RBFOX1: variants seen among roughly 807,000 people sequenced by gnomAD.
The protein encoded by RBFOX1 is RNA binding fox-1 homolog 1.
A neutral mutation model predicts 57.7 loss-of-function variants in RBFOX1; 8 were observed. The observed-to-expected ratio is 0.14, with a 90% CI of 0.08 to 0.25. The LOEUF (loss-of-function observed/expected upper bound fraction) is 0.25. RBFOX1 is among the 10% of genes least tolerant of loss of function. RBFOX1 has a pLI of 1.00. For missense variants in RBFOX1, 611 were observed against 548.5 expected (o/e 1.11, Z -1.14); for synonymous variants, 326 against 222.4 (o/e 1.47, Z -4.15).
chr16:7,223,709 TC>T (rs1567779743), intron 4 of RBFOX1, among the ~76,000 whole-genome samples: 1 of 103,148 alleles, frequency 9.7e-6, no homozygotes, highest in Non-Finnish European at 2.0e-5. Flanking sequence ...CGTCAGTGTT[TC>T]AGAAAAAAAA....
chr16:5,321,602 C>T (rs1567331415), intron 1 of RBFOX1, among the ~76,000 whole-genome samples: 1 of 152,120 alleles, frequency 6.6e-6, no homozygotes, highest in South Asian at 2.1e-4. Flanking sequence ...CAGGCGTGAG[C>T]CACAGCGCCT....
At position 6,918,596 on chromosome 16, in the gene RBFOX1, A is replaced by G. The variant is rs181084520; in HGVS notation, c.-15-133461A>G. ...ATAAGTAACCAGGGACATAAAAATGAATTATTTATCTTACCCAAATCTCAT... is the reference window on the plus strand; with the variant it reads ...ATAAGTAACCAGGGACATAAAAATGGATTATTTATCTTACCCAAATCTCAT... On this transcript the variant is annotated intron_variant, in intron 3 of 15. Coordinates refer to ENST00000550418, the MANE Select transcript of RBFOX1 (RefSeq NM_018723.4). Among the ~76,000 whole-genome samples, 17 of 152,266 alleles carry G rather than the reference A, an allele frequency of 1.1e-4. 1 individual carries two copies. Among genetic ancestry groups the G allele is most frequent in the African/African-American group, 4.1e-4 (17 of 41,566 alleles).
At chr16:7,578,982 G>C (rs187724355) in intron 5 of RBFOX1, among the ~76,000 whole-genome samples, 1 of 152,184 alleles carries the variant, frequency 6.6e-6, no homozygotes. Context: ...ATGTTACATG[G>C]TCTAGGCAAA....
At chr16:5,250,519 A>C (rs1321420851) in intron 1 of RBFOX1, among the ~76,000 whole-genome samples, 1 of 152,170 alleles carries the variant, frequency 6.6e-6, no homozygotes, top group South Asian at 2.1e-4. Context: ...GAGAACACAC[A>C]GTGTTTGGTT....
chr16:5,241,136 C>T (rs1423573588), intron 1 of RBFOX1, among the ~76,000 whole-genome samples: 1 of 152,242 alleles, frequency 6.6e-6, no homozygotes, highest in Non-Finnish European at 1.5e-5. Flanking sequence ...GGTAGCCGTC[C>T]TCGCCGTGGG....
At chr16:6,963,635 T>G (rs2083468606) in intron 3 of RBFOX1, among the ~76,000 whole-genome samples, 1 of 152,104 alleles carries the variant, frequency 6.6e-6, no homozygotes, top group Non-Finnish European at 1.5e-5. Flanking sequence ...GATCCAGGGG[T>G]GCCAGAGATT....
At chr16:6,357,547 A>G (rs1007670051) in intron 2 of RBFOX1, among the ~76,000 whole-genome samples, 2 of 151,338 alleles carry the variant, frequency 1.3e-5, no homozygotes, top group African/African-American at 2.4e-5. Flanking sequence ...CGTCTGCACA[A>G]GCGCTCTCTC....
intron 2 of RBFOX1, among the ~76,000 whole-genome samples, chr16:6,467,729 T>C (rs978429702): frequency 5.3e-5 from 8 of 152,196 alleles, no homozygotes; most frequent in African/African-American, 1.9e-4. Context: ...CATCTATGGC[T>C]CTGGAGCCCC....
At chr16:6,770,530 C>T (rs1454638881) in intron 3 of RBFOX1, among the ~76,000 whole-genome samples, 2 of 152,140 alleles carry the variant, frequency 1.3e-5, no homozygotes, top group East Asian at 3.9e-4. Flanking sequence ...TATTTTCTTT[C>T]TGCCCCTTTA....
At chr16:6,574,712 C>A (rs1342598495) in intron 2 of RBFOX1, among the ~76,000 whole-genome samples, 5 of 70 alleles carry the variant, frequency 0.071, no homozygotes, top group Non-Finnish European at 0.14. Context: ...ACAGGCGTGA[C>A]TACCGCGCCC....
chr16:7,078,124 C>G (rs956224106), intron 4 of RBFOX1, among the ~76,000 whole-genome samples: 5 of 152,120 alleles, frequency 3.3e-5, no homozygotes, highest in African/African-American at 1.2e-4. Context: ...GCTGGTAACT[C>G]CACTGTTCAT....
intron 4 of RBFOX1, among the ~76,000 whole-genome samples, chr16:5,961,155 C>A (rs1170725276): frequency 6.9e-6 from 1 of 144,844 alleles, no homozygotes; most frequent in Admixed American, 7.2e-5. Flanking sequence ...TTCCTCTCTC[C>A]AAGAATTTTG....
chr16:6,402,770 C>A (rs767522017), intron 2 of RBFOX1, among the ~76,000 whole-genome samples: 1 of 152,116 alleles, frequency 6.6e-6, no homozygotes, highest in Non-Finnish European at 1.5e-5. Context: ...ATTATTACTT[C>A]TTTCTTGGGT....
chr16:5,745,936 A>G (rs1597077240), intron 3 of RBFOX1, among the ~76,000 whole-genome samples: 1 of 152,090 alleles, frequency 6.6e-6, no homozygotes, highest in Non-Finnish European at 1.5e-5. Flanking sequence ...GAAGCTCTTT[A>G]GTTTAATTAG....
At chr16:7,190,352 C>T (rs1408766923) in intron 4 of RBFOX1, among the ~76,000 whole-genome samples, 2 of 152,092 alleles carry the variant, frequency 1.3e-5, no homozygotes, top group African/African-American at 4.8e-5. Flanking sequence ...GAGACTCCGC[C>T]TCAAACATAA....
At chr16:6,304,861 A>T (rs917645464) in intron 1 of RBFOX1, among the ~76,000 whole-genome samples, 1 of 118,032 alleles carries the variant, frequency 8.5e-6, no homozygotes, top group Non-Finnish European at 1.7e-5. Context: ...TGGGTGACAC[A>T]GTGAGACCCT....
At chr16:6,880,947 A>G (rs753564482) in intron 3 of RBFOX1, among the ~76,000 whole-genome samples, 1 of 152,116 alleles carries the variant, frequency 6.6e-6, no homozygotes, top group Non-Finnish European at 1.5e-5. Context: ...ACATTAGGAG[A>G]TTCAATCTAA....
intron 2 of RBFOX1, among the ~76,000 whole-genome samples, chr16:6,565,869 C>A (rs996040416): frequency 1.3e-5 from 2 of 152,212 alleles, no homozygotes; most frequent in Non-Finnish European, 2.9e-5. Context: ...ACAGGCTATG[C>A]TGTAGTAACA....
chr16:7,341,960 T>A lies in RBFOX1; in HGVS notation c.28-176187T>A, dbSNP rs190130576. On this transcript the variant is annotated intron_variant, in intron 4 of 15. Transcript: ENST00000550418. Reference sequence around the variant, plus strand: ...GAGAAGGTGTTGCTTGGCCATTCCTTCTCTTCTGCTCTTTAATCTGTATTG... The same window carrying A: ...GAGAAGGTGTTGCTTGGCCATTCCTACTCTTCTGCTCTTTAATCTGTATTG... Among the ~76,000 whole-genome samples the A allele has an allele frequency of 2.1e-4, 32 of 152,080 alleles. No homozygotes were observed. In the East Asian group the frequency reaches 6.0e-3, roughly 29 times the overall value.
Sources: allele counts gnomAD v4.1 joint callset (sites outside exome capture counted in the v4.1 genomes callset), GRCh38; gene constraint gnomAD v4.1.1; transcripts MANE v1.5; gene names NCBI Gene and HGNC (gene_info 2026-07-23, HGNC 2026-07-21).